Variants in NFIA observed in about 807,000 individuals in gnomAD.
The protein encoded by NFIA is nuclear factor 1 A-type.
In NFIA, 8 loss-of-function variants were observed where a neutral mutation model predicts 62.8. The ratio of observed to expected loss-of-function variants is 0.13; its 90% CI spans 0.07 to 0.23. The LOEUF (loss-of-function observed/expected upper bound fraction) is 0.23. NFIA is among the 10% of genes least tolerant of loss of function. NFIA has a pLI of 1.00. For missense variants in NFIA, 410 were observed against 642.1 expected, an observed-to-expected ratio of 0.64 and a Z score of 3.91; for synonymous variants, 235 against 238.1, an observed-to-expected ratio of 0.99 and a Z score of 0.12.
At chr1:61,291,930 A>G (rs908039451) in intron 3 of NFIA, among the ~76,000 whole-genome samples, 1 of 152,196 alleles carries the variant, frequency 6.6e-6, no homozygotes, top group African/African-American at 2.4e-5. Context: ...TTATATTACA[A>G]TGTGTAATCT....
At chr1:61,178,384 A>T (rs1650538625) in intron 2 of NFIA, among the ~76,000 whole-genome samples, 1 of 152,192 alleles carries the variant, frequency 6.6e-6, no homozygotes, top group Non-Finnish European at 1.5e-5. Flanking sequence ...TATTAGTGAT[A>T]AGGATGAATT....
intron 2 of NFIA, among the ~76,000 whole-genome samples, chr1:61,129,137 T>C (rs1232462608): frequency 2.0e-5 from 3 of 151,916 alleles, no homozygotes; most frequent in African/African-American, 4.8e-5. Context: ...TTAGCCAGGA[T>C]GGTCTTGATC....
At chr1:61,183,634 CTT>C (rs771324541) in intron 2 of NFIA, among the ~76,000 whole-genome samples, 6 of 152,208 alleles carry the variant, frequency 3.9e-5, no homozygotes, top group Non-Finnish European at 7.3e-5. Flanking sequence ...GCAGTAAACA[CTT>C]TCCCTTGGAT....
rs552918499 is a variant in NFIA, at chr1:61,213,124, C to T, written c.560-64396C>T. 1.3e-3 allele frequency among the ~76,000 whole-genome samples: 201 copies of T among 152,258 alleles called. 1 individual carries two copies. The highest frequency in any genetic ancestry group is 4.6e-3 in the African/African-American group (190 of 41,544). ...AAGACAAAAATCGGGAAAGTATAAC[C>T]CCGAGGGCAACAATAATGAAATTTT... On this transcript the variant is annotated intron_variant, in intron 2 of 10. Transcript: ENST00000403491.
At chr1:61,292,075 C>G (rs1005602784) in intron 3 of NFIA, among the ~76,000 whole-genome samples, 1 of 152,110 alleles carries the variant, frequency 6.6e-6, no homozygotes, top group African/African-American at 2.4e-5. Context: ...ACCTCGCAGA[C>G]CATGGGTGAC....
In NFIA at chr1:61,459,114, T is replaced by C. The variant is rs1301718323; in HGVS notation, c.*3794T>C. The C allele has an allele frequency of 1.3e-5, 2 of 152,196 alleles. No homozygotes were observed. The highest frequency in any genetic ancestry group is 3.8e-4 in the East Asian group (2 of 5,198). 9.4% of individuals were successfully genotyped at this position (152,196 alleles called of 1,614,324 possible). Reference sequence around the variant, plus strand: ...CATAGTGAAGATGCTTGAGGAAGACTTTGCTACCTGGGGTGTGTAGACAGA... The same window carrying C: ...CATAGTGAAGATGCTTGAGGAAGACCTTGCTACCTGGGGTGTGTAGACAGA... On this transcript the variant is annotated 3_prime_UTR_variant, in exon 11 of 11. Transcript: ENST00000403491.
chr1:61,267,481 C>T (rs1657246263), intron 2 of NFIA, among the ~76,000 whole-genome samples: 1 of 152,092 alleles, frequency 6.6e-6, no homozygotes, highest in South Asian at 2.1e-4. Context: ...TGCACTCCAG[C>T]CTGGGCAACA....
chr1:61,454,428 A>G (rs1217110034), intron 10 of NFIA, among the ~76,000 whole-genome samples: 4 of 152,200 alleles, frequency 2.6e-5, no homozygotes, highest in Non-Finnish European at 5.9e-5. Context: ...GGATTTACGA[A>G]AGGAAAAGGT....
At chr1:61,301,348 G>A (rs78860477) in intron 3 of NFIA, among the ~76,000 whole-genome samples, 7,589 of 152,200 alleles carry the variant, frequency 0.05, 622 homozygotes, top group African/African-American at 0.17. Flanking sequence ...TATAAGAGCT[G>A]GAGAAATTCA....
At chr1:61,260,043 A>G (rs866154676) in intron 2 of NFIA, among the ~76,000 whole-genome samples, 6 of 152,106 alleles carry the variant, frequency 3.9e-5, no homozygotes, top group South Asian at 2.1e-4. Context: ...AAGCCTATGG[A>G]AAAAAAATCA....
At chr1:61,082,437 G>GGCGGGC, upstream of NFIA, 3 of 1,029,648 alleles carry the variant, frequency 2.9e-6, no homozygotes, top group Non-Finnish European at 2.3e-6. Flanking sequence ...CGGAGGCGGA[G>GGCGGGC]GCGGGCGCGC....
intron 3 of NFIA, among the ~76,000 whole-genome samples, chr1:61,289,156 T>C (rs1658702263): frequency 6.6e-6 from 1 of 152,170 alleles, no homozygotes; most frequent in Admixed American, 6.6e-5. Flanking sequence ...TTTATAGGAA[T>C]GGGTCTGTGT....
chr1:61,455,433 G>T lies in NFIA; in HGVS notation c.*113G>T. ...TACAACTTCACTATCAGCGGAAGGG[G>T]AGAAAAACCGATTCAAATCAACTTG... is the stretch of plus-strand genomic sequence containing the variant. On this transcript the variant is annotated 3_prime_UTR_variant, in exon 11 of 11. Coordinates refer to ENST00000403491, the MANE Select transcript of NFIA (RefSeq NM_001134673.4). 1 of 1,534,950 alleles carries T rather than the reference G, an allele frequency of 6.5e-7. No homozygotes were observed. The highest frequency in any genetic ancestry group is 9.0e-7 in the Non-Finnish European group (1 of 1,116,256).
At chr1:61,077,978 C>T (rs1437903002), upstream of NFIA, among the ~76,000 whole-genome samples, 1 of 151,354 alleles carries the variant, frequency 6.6e-6, no homozygotes, top group East Asian at 1.9e-4. Context: ...CTGTAAAAGA[C>T]GTCTGGCCTC....
At chr1:61,300,366 T>C (rs1659432022) in intron 3 of NFIA, among the ~76,000 whole-genome samples, 1 of 152,098 alleles carries the variant, frequency 6.6e-6, no homozygotes, top group Non-Finnish European at 1.5e-5. Flanking sequence ...CATATTGAAT[T>C]TTTAAAAATT....
rs1422173714 is a variant in NFIA at position 61,211,615 on chromosome 1, G to A, written c.560-65905G>A. Among the ~76,000 whole-genome samples the A allele has an allele frequency of 2.6e-5, 4 of 152,252 alleles. No homozygotes were observed. In the East Asian group the frequency reaches 7.7e-4, roughly 29 times the overall value. ...TGTCTAGAGCAAATAAGAGACACCA[G>A]GAAATATTACACCCAATTAAACATG... On this transcript the variant is annotated intron_variant, in intron 2 of 10. Transcript: ENST00000403491.
At chr1:61,201,948 T>TTG (rs1046731600) in intron 2 of NFIA, among the ~76,000 whole-genome samples, 2 of 148,502 alleles carry the variant, frequency 1.3e-5, no homozygotes, top group African/African-American at 4.9e-5. Flanking sequence ...AAGAAAATCT[T>TTG]AAAAAAAAAA....
At chr1:61,158,318 G>T (rs1203490339) in intron 2 of NFIA, among the ~76,000 whole-genome samples, 2 of 151,908 alleles carry the variant, frequency 1.3e-5, no homozygotes, top group Non-Finnish European at 1.5e-5. Flanking sequence ...TTAATATACT[G>T]ATCTACTCAG....
In NFIA at chr1:61,426,450, C is replaced by T; in HGVS notation, c.1421-15C>T. The T allele has an allele frequency of 6.5e-7, 1 of 1,541,652 alleles. No individual in the cohort carries two copies. Among genetic ancestry groups the T allele is most frequent in the Non-Finnish European group, 8.8e-7 (1 of 1,137,898 alleles). The stretch of plus-strand genomic sequence containing the variant: ...CGTGCCGCTTCCTGAACGCATGTGT[C>T]CCTTCCCTTCACAGCCTACTCGACA... On this transcript the variant is annotated splice_polypyrimidine_tract_variant and intron_variant, in intron 9 of 10. Coordinates refer to ENST00000403491, the MANE Select transcript of NFIA (RefSeq NM_001134673.4).
Sources: allele counts gnomAD v4.1 joint callset (sites outside exome capture counted in the v4.1 genomes callset), GRCh38; gene constraint gnomAD v4.1.1; transcripts MANE v1.5; gene names NCBI Gene and HGNC (gene_info 2026-07-23, HGNC 2026-07-21).